COCH: variants seen among roughly 807,000 people sequenced by gnomAD.
The protein encoded by COCH is coagulation factor C homolog, cochlin (Limulus polyphemus).
COCH carries 40 observed loss-of-function variants against 54.8 expected under a neutral mutation model. That is an observed-to-expected ratio of 0.73 (90% CI 0.57 to 0.95). The LOEUF is 0.95. COCH is among the 40% of genes least tolerant of loss of function. The pLI is 0.00. For missense variants in COCH, 605 were observed against 675.0 expected (o/e 0.90, Z 1.15); for synonymous variants, 256 against 237.9 (o/e 1.08, Z -0.70).
At chr14:30,885,266 G>C (rs1410946157) in intron 9 of COCH, 128 bp from the exon 10 acceptor site, 5 of 967,730 alleles carry the variant, frequency 5.2e-6, no homozygotes, top group African/African-American at 1.6e-5. Context: ...ATTCTTTTTT[G>C]TGTGCCCCGC....
chr14:30,875,199 C>G, intron 3 of COCH, 96 bp downstream of exon 3: 2 of 1,506,514 alleles, frequency 1.3e-6, no homozygotes, highest in Non-Finnish European at 8.9e-7. Flanking sequence ...GGCTTCAGCC[C>G]TACCGCCTGA....
At chr14:30,874,703 G>C in intron 1 of COCH, 112 bp downstream of exon 1, 1 of 598,810 alleles carries the variant, frequency 1.7e-6, no homozygotes, top group Admixed American at 3.0e-5. Context: ...CCGCCTCCCC[G>C]CGGTGCGGGG....
chr14:30,889,417 T>C, intron 11 of COCH, 199 bp from the exon 12 acceptor site: 1 of 574,264 alleles, frequency 1.7e-6, no homozygotes, highest in Non-Finnish European at 3.1e-6. Flanking sequence ...TATAGCAGAG[T>C]TTCTGGTTTG....
At position 30,882,739 on chromosome 14, in the gene COCH, T is replaced by C. The variant is rs530136203; in HGVS notation, c.630-1814T>C. Among the ~76,000 whole-genome samples, 8 of 152,260 alleles carry C rather than the reference T, an allele frequency of 5.3e-5. No homozygotes were observed. The South Asian group carries it at 1.4e-3, about 28-fold the overall frequency. On this transcript the variant is annotated intron_variant, in intron 8 of 11. Transcript: ENST00000396618. ...AAAGCCTCTGATATAAATAGTGAAA[T>C]TGAGCCATGCACAGTGGCTCATGCC...
chr14:30,894,960 A>G, downstream of COCH: 1 of 1,067,842 alleles, frequency 9.4e-7, no homozygotes, highest in Non-Finnish European at 1.2e-6. Context: ...GATAAACAGA[A>G]GATCACTAAG....
chr14:30,891,365 C>T (rs967604618), downstream of COCH, among the ~76,000 whole-genome samples: 1 of 152,164 alleles, frequency 6.6e-6, no homozygotes, highest in Admixed American at 6.5e-5. Context: ...CCTAAGCCCC[C>T]TGAAATGTGT....
rs1895440968 is a variant in COCH, at chr14:30,878,259, T to C, written c.239+531T>C. Among the ~76,000 whole-genome samples, 5 of 152,218 alleles carry C rather than the reference T, an allele frequency of 3.3e-5. No individual in the cohort carries two copies. The South Asian group carries it at 1.0e-3, about 32-fold the overall frequency. ...TTTGGTGCTCTGAATTTCTAAGTTGTGGGTAATGGGATATTACAAATGTGT... is the reference window on the plus strand; with the variant it reads ...TTTGGTGCTCTGAATTTCTAAGTTGCGGGTAATGGGATATTACAAATGTGT... On this transcript the variant is annotated intron_variant, in intron 4 of 11. Transcript: ENST00000396618.
At chr14:30,880,366 C>T in intron 6 of COCH, 86 bp from the exon 7 acceptor site, 2 of 1,576,452 alleles carry the variant, frequency 1.3e-6, no homozygotes, top group East Asian at 2.3e-5. Context: ...GAATGGCACT[C>T]TGTTGTTATG....
intron 11 of COCH, among the ~76,000 whole-genome samples, chr14:30,887,375 C>CAGAGTGAG (rs1456539732): frequency 1.3e-5 from 2 of 148,534 alleles, no homozygotes; most frequent in African/African-American, 2.5e-5. Context: ...GCCTGGGCGA[C>CAGAGTGAG]AGAGTGAGAC....
chr14:30,895,221 A>T (rs1440002186), downstream of COCH: 2 of 621,184 alleles, frequency 3.2e-6, no homozygotes, highest in African/African-American at 3.7e-5. Flanking sequence ...TTGTCCCACA[A>T]AATACAGTAA....
At chr14:30,895,248 G>A (rs1896110598), downstream of COCH, 10 of 712,394 alleles carry the variant, frequency 1.4e-5, no homozygotes, top group South Asian at 4.7e-5. Flanking sequence ...TTAACTTAAT[G>A]AGCTTGACAT....
downstream of COCH, among the ~76,000 whole-genome samples, chr14:30,891,127 A>G (rs534088953): frequency 5.9e-5 from 9 of 152,290 alleles, no homozygotes; most frequent in South Asian, 2.1e-4. Flanking sequence ...ATTAAACAGT[A>G]TAAGATATTT....
intron 8 of COCH, among the ~76,000 whole-genome samples, chr14:30,881,389 T>C (rs917858340): frequency 2.6e-5 from 4 of 152,168 alleles, no homozygotes; most frequent in African/African-American, 4.8e-5. Context: ...CTGGGCAGAC[T>C]GAGTAGATCT....
intron 1 of COCH, 79 bp from the exon 2 acceptor site, chr14:30,874,837 G>A: frequency 2.2e-6 from 3 of 1,377,882 alleles, no homozygotes; most frequent in East Asian, 2.3e-5. Context: ...CCGGGGATCC[G>A]AAGGGTGCGG....
downstream of COCH, among the ~76,000 whole-genome samples, chr14:30,892,939 C>G (rs1420392415): frequency 6.6e-6 from 1 of 152,142 alleles, no homozygotes; most frequent in Non-Finnish European, 1.5e-5. Context: ...CCAGCAACAG[C>G]AGCAAGCATT....
chr14:30,895,528 T>G (rs772522963), downstream of COCH: 1 of 1,614,168 alleles, frequency 6.2e-7, no homozygotes. Context: ...CTGTTATTTC[T>G]TGCACACATG....
At position 30,880,745 on chromosome 14, in the gene COCH, T is replaced by C; in HGVS notation, c.629+11T>C. On this transcript the variant is annotated intron_variant, in intron 8 of 11. Coordinates refer to ENST00000396618, the MANE Select transcript of COCH (RefSeq NM_004086.3). ...CCTTGTTCAAGCCAGGTACCAACCT[T>C]GTTAAAATGGGAGATTTAAAAAAAA... The C allele has an allele frequency of 6.2e-7, 1 of 1,605,426 alleles. No homozygotes were observed.
intron 8 of COCH, among the ~76,000 whole-genome samples, chr14:30,884,242 G>GTTTC (rs1566411763): frequency 6.6e-6 from 1 of 152,238 alleles, no homozygotes; most frequent in East Asian, 1.9e-4. Flanking sequence ...CTGAGACTCA[G>GTTTC]TTTCTTCATT....
intron 3 of COCH, chr14:30,876,676 A>G (rs1322373218): frequency 6.6e-6 from 1 of 152,238 alleles, no homozygotes; most frequent in African/African-American, 2.4e-5. Context: ...GGTCCTATGA[A>G]GGAAAGGATG....
Sources: allele counts gnomAD v4.1 joint callset (sites outside exome capture counted in the v4.1 genomes callset), GRCh38; gene constraint gnomAD v4.1.1; transcripts MANE v1.5; gene names NCBI Gene and HGNC (gene_info 2026-07-23, HGNC 2026-07-21).